The following GAB2 variants were observed in gnomAD, a reference collection of about 807,000 sequenced individuals.
GAB2 encodes GRB2 associated binding protein 2, also known as GRB2-associated-binding protein 2.
GAB2 carries 26 observed loss-of-function variants against 65.5 expected under a neutral mutation model. The ratio of observed to expected loss-of-function variants is 0.40; its 90% CI spans 0.29 to 0.55. The LOEUF (loss-of-function observed/expected upper bound fraction) is 0.55. Ranked by LOEUF, GAB2 falls within the 20% of genes least tolerant of loss-of-function variation. The probability of loss-of-function intolerance (pLI) is 0.53; values close to 1 mark genes in which losing one functional copy is unlikely to be tolerated. For synonymous variants in GAB2, 321 were observed against 329.6 expected (o/e 0.97, Z 0.28); for missense variants, 884 against 875.8 (o/e 1.01, Z -0.12).
At chr11:78,333,462 CT>C (rs1375301042) in intron 1 of GAB2, among the ~76,000 whole-genome samples, 1 of 152,062 alleles carries the variant, frequency 6.6e-6, no homozygotes, top group African/African-American at 2.4e-5. Flanking sequence ...GGTGGGGGGT[CT>C]CACTATGTTA....
intron 1 of GAB2, among the ~76,000 whole-genome samples, chr11:78,410,306 C>G (rs1857110296): frequency 6.6e-6 from 1 of 152,190 alleles, no homozygotes. Context: ...GAGTTTGAGA[C>G]CAGCCTGGCC....
intron 1 of GAB2, among the ~76,000 whole-genome samples, chr11:78,330,162 G>T (rs1004323144): frequency 2.0e-5 from 3 of 152,130 alleles, no homozygotes; most frequent in Non-Finnish European, 4.4e-5. Flanking sequence ...GGGGTTAAAT[G>T]GATCACCAGT....
At chr11:78,365,430 G>A (rs985689211) in intron 1 of GAB2, among the ~76,000 whole-genome samples, 4 of 152,180 alleles carry the variant, frequency 2.6e-5, no homozygotes, top group African/African-American at 7.2e-5. Context: ...GGGATTTAGA[G>A]GGCAGTGCTA....
At chr11:78,399,522 A>T (rs1009287795) in intron 1 of GAB2, among the ~76,000 whole-genome samples, 1 of 152,168 alleles carries the variant, frequency 6.6e-6, no homozygotes, top group Non-Finnish European at 1.5e-5. Flanking sequence ...CTTCAGACAA[A>T]TCCCTGTGTG....
chr11:78,302,105 A>G (rs574313715), intron 1 of GAB2, among the ~76,000 whole-genome samples: 2 of 152,230 alleles, frequency 1.3e-5, no homozygotes, highest in Non-Finnish European at 2.9e-5. Context: ...ATAACAGAAG[A>G]AAAACCCTTC....
intron 3 of GAB2, among the ~76,000 whole-genome samples, chr11:78,238,335 C>A (rs1865041904): frequency 6.6e-6 from 1 of 151,316 alleles, no homozygotes; most frequent in Admixed American, 6.6e-5. Flanking sequence ...GAGACCATAT[C>A]TCTACAAAAA....
chr11:78,337,963 C>T (rs1162757058), intron 1 of GAB2, among the ~76,000 whole-genome samples: 5 of 152,202 alleles, frequency 3.3e-5, no homozygotes, highest in Non-Finnish European at 7.4e-5. Context: ...ACTACATTAT[C>T]CTTCCTAGTT....
intron 1 of GAB2, among the ~76,000 whole-genome samples, chr11:78,292,423 T>C (rs766070319): frequency 1.3e-5 from 2 of 152,212 alleles, no homozygotes; most frequent in Non-Finnish European, 2.9e-5. Context: ...TTATCTTTGG[T>C]ATACCAAAGT....
At chr11:78,399,208 G>T (rs1393215988) in intron 1 of GAB2, among the ~76,000 whole-genome samples, 1 of 152,156 alleles carries the variant, frequency 6.6e-6, no homozygotes, top group African/African-American at 2.4e-5. Flanking sequence ...GTGGCATCAA[G>T]CCTGCACCAA....
intron 1 of GAB2, among the ~76,000 whole-genome samples, chr11:78,312,490 A>G (rs965988833): frequency 1.3e-5 from 2 of 152,208 alleles, no homozygotes; most frequent in Admixed American, 6.5e-5. Context: ...CAGTGGCACG[A>G]TCTCAGCTCA....
chr11:78,416,459 T>TC lies in GAB2; in HGVS notation c.75+1186dup, dbSNP rs556598704. Among the ~76,000 whole-genome samples the TC allele has an allele frequency of 2.5e-3, 386 of 152,192 alleles. 1 individual carries two copies. The highest frequency in any genetic ancestry group is 8.9e-3 in the African/African-American group (368 of 41,520). The stretch of plus-strand genomic sequence containing the variant: ...GGAAATTCTGGTAGGCTTCTGCCTC[T>TC]CCCCCCATGGACAGCCACTGGTGCA... On this transcript the variant is annotated intron_variant, in intron 1 of 9. Coordinates refer to ENST00000361507, the MANE Select transcript of GAB2 (RefSeq NM_080491.3).
intron 1 of GAB2, among the ~76,000 whole-genome samples, chr11:78,403,451 C>G (rs1393490849): frequency 6.6e-6 from 1 of 152,066 alleles, no homozygotes; most frequent in East Asian, 1.9e-4. Context: ...GGACAGAAGT[C>G]ACCTTTGACA....
At chr11:78,233,611 CT>C (rs61190838) in intron 3 of GAB2, among the ~76,000 whole-genome samples, 7 of 151,338 alleles carry the variant, frequency 4.6e-5, no homozygotes, top group Admixed American at 1.3e-4. Context: ...TGTGATTTGT[CT>C]TTTTTTTTGA....
At chr11:78,362,914 G>A (rs1273377551) in intron 1 of GAB2, among the ~76,000 whole-genome samples, 1 of 152,162 alleles carries the variant, frequency 6.6e-6, no homozygotes, top group Non-Finnish European at 1.5e-5. Context: ...AGGCCCAGAA[G>A]TCATGTACTT....
intron 1 of GAB2, among the ~76,000 whole-genome samples, chr11:78,351,984 G>A (rs1856285472): frequency 6.6e-6 from 1 of 152,146 alleles, no homozygotes; most frequent in Non-Finnish European, 1.5e-5. Flanking sequence ...AGGCCGAAGT[G>A]GAAGGATCAC....
chr11:78,407,748 A>AAAAG (rs765082283), intron 1 of GAB2, among the ~76,000 whole-genome samples: 26 of 129,890 alleles, frequency 2.0e-4, no homozygotes, highest in South Asian at 5.6e-4. Context: ...GAAAGAAAGA[A>AAAAG]AAAGAAAGAA....
intron 1 of GAB2, among the ~76,000 whole-genome samples, chr11:78,398,021 T>TACACACACAC (rs1554999817): frequency 2.7e-5 from 3 of 112,480 alleles, no homozygotes; most frequent in African/African-American, 9.4e-5. Context: ...TGTGAATAGC[T>TACACACACAC]ACACACACAC....
intron 1 of GAB2, among the ~76,000 whole-genome samples, chr11:78,360,194 A>C (rs1008650688): frequency 1.3e-5 from 2 of 152,144 alleles, no homozygotes; most frequent in Non-Finnish European, 2.9e-5. Flanking sequence ...ACCTGGATTT[A>C]TTCTCTCCTG....
chr11:78,300,675 TTTTTTTTTGG>T lies in GAB2; in HGVS notation c.76-19784_76-19775del, dbSNP rs1316902158. On this transcript the variant is annotated intron_variant, in intron 1 of 9. Coordinates refer to ENST00000361507, the MANE Select transcript of GAB2 (RefSeq NM_080491.3). ...GGTAATGTTATCTCACTGTGTGGTT[TTTTTTTTTGG>T]TTTTTTTTTGTTTTTTTTTTTTTTT... 7.4e-3 allele frequency among the ~76,000 whole-genome samples: 1,093 copies of T among 148,450 alleles called. 17 individuals carry two copies. The highest frequency in any genetic ancestry group is 0.025 in the African/African-American group (1,009 of 39,622).
Sources: gnomAD v4.1 joint callset for allele counts (sites outside exome capture counted in the v4.1 genomes callset) on GRCh38, gnomAD v4.1.1 for gene constraint, MANE v1.5 for transcripts, NCBI Gene and HGNC (gene_info 2026-07-23, HGNC 2026-07-21) for gene names.